Variants in SORCS3 observed in about 807,000 individuals in gnomAD.
SORCS3 encodes sortilin related VPS10 domain containing receptor 3, also known as VPS10 domain-containing receptor SorCS3.
SORCS3 carries 57 observed loss-of-function variants against 146.3 expected under a neutral mutation model. The observed-to-expected ratio is 0.39, with a 90% CI of 0.31 to 0.49. The LOEUF is 0.49. Ranked by LOEUF, SORCS3 falls within the 20% of genes least tolerant of loss-of-function variation. The probability of loss-of-function intolerance (pLI) is 0.92; values close to 1 mark genes in which losing one functional copy is unlikely to be tolerated. For missense variants in SORCS3, 1,341 were observed against 1,575.5 expected (o/e 0.85, Z 2.52); for synonymous variants, 653 against 618.5 (o/e 1.06, Z -0.83).
intron 16 of SORCS3, among the ~76,000 whole-genome samples, chr10:105,208,852 G>A (rs1240461169): frequency 1.3e-5 from 2 of 152,130 alleles, no homozygotes; most frequent in Non-Finnish European, 2.9e-5. Flanking sequence ...CATACGAACT[G>A]TCAGACTGAG....
In SORCS3 at chr10:104,911,605, T is replaced by C. The variant is rs906503069; in HGVS notation, c.696-4228T>C. On this transcript the variant is annotated intron_variant, in intron 2 of 26. Transcript: ENST00000369701. Reference sequence around the variant, plus strand: ...TATAGATAGTATGAGAAAAAGATGATAGTTGGAAAACAACTTAGCATTGTG... The same window carrying C: ...TATAGATAGTATGAGAAAAAGATGACAGTTGGAAAACAACTTAGCATTGTG... Among the ~76,000 whole-genome samples the C allele has an allele frequency of 1.1e-4, 16 of 152,354 alleles. No individual in the cohort carries two copies. In the East Asian group the frequency reaches 2.9e-3, roughly 28 times the overall value.
At chr10:105,071,768 A>T (rs1193175210) in intron 5 of SORCS3, among the ~76,000 whole-genome samples, 1 of 152,202 alleles carries the variant, frequency 6.6e-6, no homozygotes, top group Non-Finnish European at 1.5e-5. Flanking sequence ...GGTCTTATTT[A>T]TTCTTTCTAA....
chr10:104,668,967 G>A (rs1436991187), intron 1 of SORCS3, among the ~76,000 whole-genome samples: 4 of 152,192 alleles, frequency 2.6e-5, no homozygotes, highest in Non-Finnish European at 5.9e-5. Flanking sequence ...TTATCTTCCA[G>A]CGGGGAAGTT....
At chr10:105,201,348 G>A (rs1056689308) in intron 16 of SORCS3, 95 bp downstream of exon 16, 2 of 1,444,592 alleles carry the variant, frequency 1.4e-6, no homozygotes, top group East Asian at 4.7e-5. Flanking sequence ...GAGGAAGCAT[G>A]ACGCAGAGAT....
intron 1 of SORCS3, among the ~76,000 whole-genome samples, chr10:104,686,979 A>G (rs1011300184): frequency 3.3e-5 from 5 of 151,652 alleles, no homozygotes; most frequent in African/African-American, 1.2e-4. Flanking sequence ...CCATTCATCT[A>G]TCCATCCATC....
chr10:105,191,653 G>GA (rs749716381), intron 14 of SORCS3, among the ~76,000 whole-genome samples: 2 of 152,200 alleles, frequency 1.3e-5, no homozygotes, highest in Non-Finnish European at 2.9e-5. Flanking sequence ...TTCCATGGGT[G>GA]AGAGTGCAGG....
At chr10:105,165,433 A>T (rs1056173589) in intron 12 of SORCS3, among the ~76,000 whole-genome samples, 3 of 152,086 alleles carry the variant, frequency 2.0e-5, no homozygotes, top group Non-Finnish European at 4.4e-5. Flanking sequence ...TCCTGTTTGG[A>T]TCCCTTAGTG....
chr10:104,945,736 C>G (rs773226196), intron 3 of SORCS3, among the ~76,000 whole-genome samples: 1 of 151,820 alleles, frequency 6.6e-6, no homozygotes, highest in Admixed American at 6.6e-5. Context: ...CTCAATTCAC[C>G]GGGATACACT....
chr10:105,232,978 A>G (rs1006300429), intron 20 of SORCS3, among the ~76,000 whole-genome samples: 6 of 152,146 alleles, frequency 3.9e-5, no homozygotes, highest in Non-Finnish European at 7.4e-5. Context: ...TTTGGGCTTT[A>G]GAAGAATGTG....
intron 14 of SORCS3, among the ~76,000 whole-genome samples, chr10:105,180,223 G>A (rs886899126): frequency 6.6e-6 from 1 of 152,134 alleles, no homozygotes; most frequent in Admixed American, 6.5e-5. Context: ...AGATAGCAGA[G>A]GAAAACGAAG....
intron 1 of SORCS3, among the ~76,000 whole-genome samples, chr10:104,761,276 A>G (rs1273562607): frequency 6.6e-6 from 1 of 152,230 alleles, no homozygotes; most frequent in African/African-American, 2.4e-5. Context: ...TGTTCAGGGA[A>G]CTAAAAAGTC....
intron 4 of SORCS3, among the ~76,000 whole-genome samples, chr10:105,040,359 G>A (rs531706568): frequency 1.3e-5 from 2 of 152,196 alleles, no homozygotes; most frequent in Non-Finnish European, 2.9e-5. Flanking sequence ...AGTGTCCACC[G>A]CTTTTGGCCA....
At chr10:104,855,281 T>G (rs1290123063) in intron 2 of SORCS3, among the ~76,000 whole-genome samples, 1 of 152,218 alleles carries the variant, frequency 6.6e-6, no homozygotes, top group African/African-American at 2.4e-5. Flanking sequence ...TTTATTCTTC[T>G]TTGTTTTAGC....
At chr10:104,669,849 G>A (rs760563279) in intron 1 of SORCS3, among the ~76,000 whole-genome samples, 1 of 151,274 alleles carries the variant, frequency 6.6e-6, no homozygotes, top group Non-Finnish European at 1.5e-5. Context: ...TGTACCAATA[G>A]AACAGAAGTC....
chr10:105,189,415 A>G (rs1328291738), intron 14 of SORCS3, among the ~76,000 whole-genome samples: 1 of 152,192 alleles, frequency 6.6e-6, no homozygotes, highest in African/African-American at 2.4e-5. Context: ...CTGTCTTAGA[A>G]GAAACTGGTA....
intron 1 of SORCS3, among the ~76,000 whole-genome samples, chr10:104,652,036 C>T (rs1258384107): frequency 6.7e-6 from 1 of 149,400 alleles, no homozygotes; most frequent in African/African-American, 2.5e-5. Flanking sequence ...TGGGATTAAA[C>T]CCCAGTTTTA....
At chr10:104,957,303 C>T (rs1028316574) in intron 3 of SORCS3, among the ~76,000 whole-genome samples, 2 of 152,098 alleles carry the variant, frequency 1.3e-5, no homozygotes, top group African/African-American at 4.8e-5. Context: ...CTCTGCTTTC[C>T]CTTTCAGCAA....
At chr10:105,251,325 C>T (rs954150090) in intron 22 of SORCS3, among the ~76,000 whole-genome samples, 11 of 152,108 alleles carry the variant, frequency 7.2e-5, no homozygotes, top group Admixed American at 6.5e-4. Flanking sequence ...GGGGAAACCA[C>T]CCCCAGGATT....
intron 3 of SORCS3, among the ~76,000 whole-genome samples, chr10:104,946,267 G>C (rs1009234759): frequency 6.6e-6 from 1 of 151,738 alleles, no homozygotes; most frequent in East Asian, 1.9e-4. Context: ...AATACAGGAC[G>C]GCTGTTCTTG....
Sources: gnomAD v4.1 joint callset for allele counts (sites outside exome capture counted in the v4.1 genomes callset) on GRCh38, gnomAD v4.1.1 for gene constraint, MANE v1.5 for transcripts, NCBI Gene and HGNC (gene_info 2026-07-23, HGNC 2026-07-21) for gene names.